RAB11FIP1: variants seen among roughly 807,000 people sequenced by gnomAD.
RAB11FIP1 encodes rab11 family-interacting protein 1.
In RAB11FIP1, 49 loss-of-function variants were observed where a neutral mutation model predicts 83.1. The ratio of observed to expected loss-of-function variants is 0.59; its 90% CI spans 0.47 to 0.75. The LOEUF is 0.75. Among genes scored for constraint, RAB11FIP1 ranks in the 30% least tolerant of loss-of-function variants. RAB11FIP1 has a pLI of 0.00. For missense variants in RAB11FIP1, 1,536 were observed against 1,598.7 expected, an observed-to-expected ratio of 0.96 and a Z score of 0.67; for synonymous variants, 670 against 656.0, an observed-to-expected ratio of 1.02 and a Z score of -0.33.
At chr8:37,881,166 C>T (rs1268173210) in intron 1 of RAB11FIP1, among the ~76,000 whole-genome samples, 5 of 152,200 alleles carry the variant, frequency 3.3e-5, no homozygotes, top group East Asian at 1.9e-4. Flanking sequence ...CTCACAAGAA[C>T]GACACGGAGT....
At chr8:37,863,446 C>T (rs1806282998) in intron 5 of RAB11FIP1, among the ~76,000 whole-genome samples, 1 of 152,112 alleles carries the variant, frequency 6.6e-6, no homozygotes, top group Non-Finnish European at 1.5e-5. Flanking sequence ...CAAGGTTTCA[C>T]CATGTTGGCC....
intron 2 of RAB11FIP1, 53 bp from the exon 3 acceptor site, chr8:37,875,375 C>T: frequency 7.4e-7 from 1 of 1,358,348 alleles, no homozygotes; most frequent in African/African-American, 1.4e-5. Context: ...GGGTGGTTTG[C>T]AGTGTAGGGG....
In RAB11FIP1 at chr8:37,862,245, G is replaced by A. The variant is rs1176359349; in HGVS notation, c.*650C>T. 6 of 152,488 alleles carry A rather than the reference G, an allele frequency of 3.9e-5. No homozygotes were observed. Among genetic ancestry groups the A allele is most frequent in the African/African-American group, 1.2e-4 (5 of 41,442 alleles). 9.4% of individuals were successfully genotyped at this position (152,488 alleles called of 1,614,324 possible). A position where few individuals can be genotyped will look rare whatever the true frequency, so the allele number is the denominator to read the frequency against. On this transcript the variant is annotated 3_prime_UTR_variant, in exon 6 of 6. Transcript: ENST00000330843. ...AAGCAGAAGGTATTTTAAGGCTAGA[G>A]AGTAGTAGAAGTCGATGTTTAGAAA...
intron 5 of RAB11FIP1, among the ~76,000 whole-genome samples, chr8:37,863,325 A>G (rs545803318): frequency 1.3e-5 from 2 of 152,136 alleles, no homozygotes; most frequent in Admixed American, 6.5e-5. Context: ...AGCTCACTGC[A>G]ACCTCCGCCT....
chr8:37,863,331 C>T (rs1405572075), intron 5 of RAB11FIP1, among the ~76,000 whole-genome samples: 1 of 152,036 alleles, frequency 6.6e-6, no homozygotes, highest in Non-Finnish European at 1.5e-5. Context: ...CTGCAACCTC[C>T]GCCTCCTGGG....
chr8:37,869,313 C>T (rs1029605419), intron 5 of RAB11FIP1, among the ~76,000 whole-genome samples: 10 of 151,288 alleles, frequency 6.6e-5, no homozygotes, highest in South Asian at 2.1e-4. Context: ...TGAGGTAGGC[C>T]GGGCGCAGGG....
chr8:37,871,168 T>G (rs1585430312), intron 4 of RAB11FIP1, 110 bp downstream of exon 4: 2 of 1,392,402 alleles, frequency 1.4e-6, no homozygotes. Flanking sequence ...CAGTGACAGG[T>G]GGGTTGTCAC....
Position 37,872,560 on chromosome 8 carries a change from C to T in RAB11FIP1, c.2242G>A (p.Gly748Arg). 1 of 1,614,068 alleles carries T rather than the reference C, an allele frequency of 6.2e-7. No individual in the cohort carries two copies. ...GCCTGACTCTCCAAGTCTCTGTCTC[C>T]TCCTGCTGCAAGCTCCCCAACAGGG... ...VSPVGELAAG[G>R]DRDLESQAGS... Residue 748 changes from glycine (G) to arginine (R), a missense_variant, in exon 4 of 6, where the codon GGA (glycine) becomes AGA (arginine). By Grantham distance (125) the Gly-to-Arg change is moderately radical. Coordinates refer to ENST00000330843, the MANE Select transcript of RAB11FIP1 (RefSeq NM_001002814.3).
At position 37,874,661 on chromosome 8, in the gene RAB11FIP1, T is replaced by C; in HGVS notation, c.1476A>G (p.Ala492=). The C allele has an allele frequency of 6.2e-7, 1 of 1,614,200 alleles. No homozygotes were observed. The highest frequency in any genetic ancestry group is 8.5e-7 in the Non-Finnish European group (1 of 1,180,028). ...AGCTGCCCTGTCTGGAGACAACAGC[T>C]GCAGTATCTTTCTCAGATCTTCTCA... ...DLVRRSEKDT[A]AVVSRQGSSL... The change falls in exon 3 of 6, where the codon GCA becomes GCG. Residue 492 remains alanine, a synonymous_variant. Coordinates refer to ENST00000330843, the MANE Select transcript of RAB11FIP1 (RefSeq NM_001002814.3).
chr8:37,885,895 T>G (rs4976887), intron 1 of RAB11FIP1, among the ~76,000 whole-genome samples: 151,076 of 152,322 alleles, frequency 0.99, 74,931 homozygotes, highest in Middle Eastern at 1. Flanking sequence ...ATCCCAGGGG[T>G]CCTTCTGTCG....
At chr8:37,897,001 G>A (rs1007950832) in intron 1 of RAB11FIP1, among the ~76,000 whole-genome samples, 5 of 152,082 alleles carry the variant, frequency 3.3e-5, no homozygotes, top group Non-Finnish European at 4.4e-5. Flanking sequence ...ACAACGGATG[G>A]CCAACAGCAC....
chr8:37,877,546 T>C lies in RAB11FIP1; in HGVS notation c.377A>G (p.Tyr126Cys), dbSNP rs763093247. 7.5e-6 allele frequency: 12 copies of C among 1,600,242 alleles called. No homozygotes were observed. The highest frequency in any genetic ancestry group is 1.1e-5 in the South Asian group (1 of 90,766). Residue 126 changes from tyrosine to cysteine, a missense_variant, in exon 2 of 6, where the codon TAT (tyrosine) becomes TGT (cysteine). Coordinates refer to ENST00000330843, the MANE Select transcript of RAB11FIP1 (RefSeq NM_001002814.3). ...CTTTCCTGGTTTGGATTTCAACTTA[T>C]ACCACCTGAAAGGAGAAAGGCTGAG... ...RDQGRRKTQW[Y>C]KLKSKPGKKD...
chr8:37,871,944 G>T lies in RAB11FIP1; in HGVS notation c.2858C>A (p.Ala953Asp), dbSNP rs200356100. ...LVSDFKSPIM[A>D]DLNLSLPSIP... ...GGAAGGAAGGCTTAAGTTCAGATCG[G>T]CCATGATTGGAGATTTAAAATCTGA... Residue 953 changes from alanine (A) to aspartate (D), a missense_variant, in exon 4 of 6, where the codon GCC (alanine) becomes GAC (aspartate). Physicochemically the swap from Ala to Asp is moderately radical, Grantham distance 126. Coordinates refer to ENST00000330843, the MANE Select transcript of RAB11FIP1 (RefSeq NM_001002814.3). 1 of 1,614,172 alleles carries T rather than the reference G, an allele frequency of 6.2e-7. No homozygotes were observed. Among genetic ancestry groups the T allele is most frequent in the Non-Finnish European group, 8.5e-7 (1 of 1,180,010 alleles).
In RAB11FIP1 at chr8:37,862,972, G is replaced by T. The variant is rs1318343983; in HGVS notation, c.3775C>A (p.Leu1259Ile). Reference protein sequence around the residue: ...RELEDYIDNLLVRVMEETPNI... With the variant: ...RELEDYIDNLIVRVMEETPNI... ...GGGGTTTCTTCCATGACCCTGACAAGCAGGTTGTCAATGTAGTCTTCCAGC... is the reference window on the plus strand; with the variant it reads ...GGGGTTTCTTCCATGACCCTGACAATCAGGTTGTCAATGTAGTCTTCCAGC... Residue 1259 changes from leucine to isoleucine, a missense_variant, in exon 6 of 6, where the codon CTT (leucine) becomes ATT (isoleucine). Physicochemically the swap from Leu to Ile is conservative, Grantham distance 5. Transcript: ENST00000330843. 1 of 1,613,982 alleles carries T rather than the reference G, an allele frequency of 6.2e-7. No homozygotes were observed. The highest frequency in any genetic ancestry group is 1.3e-5 in the African/African-American group (1 of 74,986).
rs758035069 is a variant in RAB11FIP1, at chr8:37,872,073, A to C, written c.2729T>G (p.Leu910Arg). Residue 910 changes from leucine (L) to arginine (R), a missense_variant, in exon 4 of 6, where the codon CTC (leucine) becomes CGC (arginine). Coordinates refer to ENST00000330843, the MANE Select transcript of RAB11FIP1 (RefSeq NM_001002814.3). ...GGCATCCTCTCCCTCCATCCTAAAGAGTGGAGTGTCTTTCGCTGAGCTTGC... is the reference window on the plus strand; with the variant it reads ...GGCATCCTCTCCCTCCATCCTAAAGCGTGGAGTGTCTTTCGCTGAGCTTGC... ...SEASSAKDTPLFRMEGEDALV... is the reference protein window; with the variant it reads ...SEASSAKDTPRFRMEGEDALV... The C allele has an allele frequency of 1.9e-6, 3 of 1,613,852 alleles. No individual in the cohort carries two copies. In the Admixed American group the frequency reaches 5.0e-5, roughly 27 times the overall value.
At chr8:37,868,219 C>T (rs193055379) in intron 5 of RAB11FIP1, among the ~76,000 whole-genome samples, 4 of 152,072 alleles carry the variant, frequency 2.6e-5, no homozygotes, top group East Asian at 1.9e-4. Flanking sequence ...GTCAGGAGTT[C>T]GAGACCAGCC....
At chr8:37,883,188 G>C (rs1257825201) in intron 1 of RAB11FIP1, among the ~76,000 whole-genome samples, 1 of 147,020 alleles carries the variant, frequency 6.8e-6, no homozygotes, top group East Asian at 2.0e-4. Context: ...TTTTTTTCTT[G>C]GTGTTTGTTT....
intron 1 of RAB11FIP1, among the ~76,000 whole-genome samples, chr8:37,884,769 G>C (rs1281433526): frequency 6.6e-6 from 1 of 151,962 alleles, no homozygotes; most frequent in South Asian, 2.1e-4. Context: ...GGCTGGTCTC[G>C]AACTCCTGAC....
At position 37,874,884 on chromosome 8, in the gene RAB11FIP1, T is replaced by C; in HGVS notation, c.1253A>G (p.Glu418Gly). Residue 418 changes from glutamate to glycine, a missense_variant, in exon 3 of 6, where the codon GAG (glutamate) becomes GGG (glycine). Transcript: ENST00000330843. ...LRENMAPANS[E>G]ATKEAKESKK... Reference sequence around the variant, plus strand: ...GCTCTCCTTAGCTTCTTTTGTGGCCTCTGAGTTTGCGGGGGCCATGTTTTC... The same window carrying C: ...GCTCTCCTTAGCTTCTTTTGTGGCCCCTGAGTTTGCGGGGGCCATGTTTTC... 1.2e-6 allele frequency: 2 copies of C among 1,614,154 alleles called. No individual in the cohort carries two copies. The highest frequency in any genetic ancestry group is 1.7e-6 in the Non-Finnish European group (2 of 1,180,022).
Sources: gnomAD v4.1 joint callset for allele counts (sites outside exome capture counted in the v4.1 genomes callset) on GRCh38, gnomAD v4.1.1 for gene constraint, MANE v1.5 for transcripts, NCBI Gene and HGNC (gene_info 2026-07-23, HGNC 2026-07-21) for gene names.